The following ATP11C variants were observed in gnomAD, a reference collection of about 807,000 sequenced individuals.
The protein encoded by ATP11C is ATPase phospholipid transporting 11C (ATP11C blood group).
ATP11C carries 36 observed loss-of-function variants against 97.4 expected under a neutral mutation model. That is an observed-to-expected ratio of 0.37 (90% CI 0.28 to 0.49). The LOEUF is 0.49. Ranked by LOEUF, ATP11C falls within the 20% of genes least tolerant of loss-of-function variation. The pLI, the probability that ATP11C is intolerant of heterozygous loss-of-function variation, is 0.98. For missense variants in ATP11C, 730 were observed against 824.6 expected (o/e 0.89, Z 1.40); for synonymous variants, 275 against 290.9 (o/e 0.95, Z 0.56).
rs767390292 is a variant in ATP11C at position 139,775,772 on chromosome X, C to T, written c.1953-819G>A. Among the ~76,000 whole-genome samples, 7 of 112,707 alleles carry T rather than the reference C, an allele frequency of 6.2e-5. No homozygotes were observed. In the South Asian group the frequency reaches 2.6e-3, roughly 41 times the overall value. On this transcript the variant is annotated intron_variant, in intron 18 of 29. Transcript: ENST00000682941. ...TCCCAGGGACAGAGATCCAGGTGGC[C>T]AGCTCATGCAGGCATGTCAGTACTC...
intron 2 of ATP11C, among the ~76,000 whole-genome samples, chrX:139,820,393 C>T (rs905330770): frequency 4.5e-5 from 5 of 110,235 alleles, no homozygotes; most frequent in Admixed American, 3.9e-4. Flanking sequence ...AAAGTGAGAC[C>T]TGCCTCAAAA....
intron 12 of ATP11C, among the ~76,000 whole-genome samples, chrX:139,790,960 A>G (rs1457615447): frequency 9.0e-6 from 1 of 111,454 alleles, no homozygotes; most frequent in African/African-American, 3.3e-5. Context: ...TGGCTTTTGG[A>G]AACCCACAAT....
intron 1 of ATP11C, among the ~76,000 whole-genome samples, chrX:139,905,767 G>A (rs1307800640): frequency 9.0e-6 from 1 of 111,527 alleles, no homozygotes; most frequent in Admixed American, 9.6e-5. Context: ...AATAGTAAAA[G>A]GTTGGAAAAT....
At chrX:139,778,606 A>G (rs2082393898) in intron 18 of ATP11C, among the ~76,000 whole-genome samples, 1 of 111,891 alleles carries the variant, frequency 8.9e-6, no homozygotes, top group Non-Finnish European at 1.9e-5. Context: ...AGGCAGGAGG[A>G]TCACCTGACG....
intron 1 of ATP11C, among the ~76,000 whole-genome samples, chrX:139,852,557 A>G (rs1319110336): frequency 1.0e-5 from 1 of 98,594 alleles, no homozygotes; most frequent in African/African-American, 3.6e-5. Flanking sequence ...AGGAAGGATA[A>G]GCCGCGGGAG....
intron 1 of ATP11C, among the ~76,000 whole-genome samples, chrX:139,876,617 A>G (rs2084479084): frequency 8.9e-6 from 1 of 112,244 alleles, no homozygotes. Flanking sequence ...TTTATTTATA[A>G]CAAGAAATCT....
chrX:139,791,234 C>T (rs1373659546), intron 12 of ATP11C, among the ~76,000 whole-genome samples: 1 of 110,239 alleles, frequency 9.1e-6, no homozygotes, highest in Non-Finnish European at 1.9e-5. Context: ...ACTTGTGTAT[C>T]ATTTAGATTC....
intron 15 of ATP11C, 53 bp downstream of exon 15, chrX:139,787,120 A>G (rs898045392): frequency 1.7e-6 from 2 of 1,199,822 alleles, no homozygotes; most frequent in Non-Finnish European, 2.2e-6. Context: ...GAATCCACTT[A>G]AATTTGACTA....
At chrX:139,872,360 A>G (rs1410053614) in intron 1 of ATP11C, among the ~76,000 whole-genome samples, 1 of 111,372 alleles carries the variant, frequency 9.0e-6, no homozygotes, top group African/African-American at 3.3e-5. Flanking sequence ...CACACAAATC[A>G]GCTTTCTTTT....
chrX:139,818,634 A>T (rs1164923861), intron 3 of ATP11C, among the ~76,000 whole-genome samples: 2 of 112,234 alleles, frequency 1.8e-5, no homozygotes, highest in Non-Finnish European at 3.8e-5. Flanking sequence ...ATTTACTCAA[A>T]GCCTCAAAGT....
At chrX:139,913,628 CA>C (rs1222142727) in intron 1 of ATP11C, among the ~76,000 whole-genome samples, 4 of 111,260 alleles carry the variant, frequency 3.6e-5, no homozygotes, top group African/African-American at 1.3e-4. Flanking sequence ...AAAGCTCCCC[CA>C]CTGAGCACCT....
At chrX:139,736,176 A>G (rs767650699) in intron 28 of ATP11C, among the ~76,000 whole-genome samples, 2 of 102,885 alleles carry the variant, frequency 1.9e-5, no homozygotes, top group Non-Finnish European at 4.0e-5. Flanking sequence ...TGTTCGTGTG[A>G]AAAAAAAAAA....
At chrX:139,864,112 A>G in intron 1 of ATP11C, among the ~76,000 whole-genome samples, 1 of 111,987 alleles carries the variant, frequency 8.9e-6, no homozygotes, top group East Asian at 2.8e-4. Context: ...TTAGCAAAAA[A>G]AGTATTTTAG....
chrX:139,917,912 C>T (rs67059172), intron 1 of ATP11C, among the ~76,000 whole-genome samples: 4,555 of 86,662 alleles, frequency 0.053, 230 homozygotes, highest in East Asian at 0.32. Flanking sequence ...GCAGAGATCG[C>T]AATACTGCAC....
At chrX:139,887,884 T>C (rs898407354) in intron 1 of ATP11C, among the ~76,000 whole-genome samples, 5 of 105,494 alleles carry the variant, frequency 4.7e-5, no homozygotes, top group Non-Finnish European at 5.8e-5. Context: ...GGTAGGAGAA[T>C]TGCTTGAACC....
intron 28 of ATP11C, among the ~76,000 whole-genome samples, chrX:139,735,715 T>C (rs1421268273): frequency 9.0e-6 from 1 of 110,843 alleles, no homozygotes; most frequent in Non-Finnish European, 1.9e-5. Flanking sequence ...GGCTGCCATG[T>C]TGCAGTAGGC....
intron 23 of ATP11C, 44 bp from the exon 24 acceptor site, chrX:139,750,196 C>A: frequency 9.0e-7 from 1 of 1,115,952 alleles, no homozygotes; most frequent in Non-Finnish European, 1.2e-6. Flanking sequence ...TTTCATGTAA[C>A]AATCATCTAC....
intron 1 of ATP11C, among the ~76,000 whole-genome samples, chrX:139,904,659 G>A (rs2084948043): frequency 8.9e-6 from 1 of 111,839 alleles, no homozygotes; most frequent in South Asian, 3.7e-4. Flanking sequence ...GTACTATGAG[G>A]CCCTGTAAGA....
At chrX:139,785,540 T>C (rs1459420599) in intron 15 of ATP11C, among the ~76,000 whole-genome samples, 1 of 111,057 alleles carries the variant, frequency 9.0e-6, no homozygotes, top group Non-Finnish European at 1.9e-5. Context: ...GTAAGGAGAA[T>C]GACCACATAA....
Sources: gnomAD v4.1 joint callset for allele counts (sites outside exome capture counted in the v4.1 genomes callset) on GRCh38, gnomAD v4.1.1 for gene constraint, MANE v1.5 for transcripts, NCBI Gene and HGNC (gene_info 2026-07-23, HGNC 2026-07-21) for gene names.